Variants in SLC8A1 observed in about 807,000 individuals in gnomAD.
SLC8A1 encodes solute carrier family 8 member A1, also known as sodium/calcium exchanger 1.
SLC8A1 carries 18 observed loss-of-function variants against 68.3 expected under a neutral mutation model. The ratio of observed to expected loss-of-function variants is 0.26; its 90% CI spans 0.18 to 0.39. The LOEUF (loss-of-function observed/expected upper bound fraction) is 0.39. Ranked by LOEUF, SLC8A1 falls within the 10% of genes least tolerant of loss-of-function variation. The pLI is 1.00. For synonymous variants in SLC8A1, 475 were observed against 415.5 expected (o/e 1.14, Z -1.74); for missense variants, 985 against 1,156.7 (o/e 0.85, Z 2.15).
chr2:40,287,611 T>TGTGTGTGTGTGTGTGTGTGTGC (rs1298373568), intron 2 of SLC8A1, among the ~76,000 whole-genome samples: 8 of 148,218 alleles, frequency 5.4e-5, no homozygotes, highest in Non-Finnish European at 1.2e-4. Flanking sequence ...TGTGTGTGTG[T>TGTGTGTGTGTGTGTGTGTGTGC]GTGTGTGTGC....
intron 2 of SLC8A1, among the ~76,000 whole-genome samples, chr2:40,240,310 GC>G (rs1203661138): frequency 1.3e-5 from 2 of 152,146 alleles, no homozygotes; most frequent in African/African-American, 2.4e-5. Flanking sequence ...GCTCTAGAAG[GC>G]CCCTGAGACA....
At chr2:40,122,801 A>G (rs1309209140) in intron 7 of SLC8A1, among the ~76,000 whole-genome samples, 3 of 152,116 alleles carry the variant, frequency 2.0e-5, no homozygotes, top group Non-Finnish European at 4.4e-5. Context: ...TTTTAGAGTA[A>G]CCATTTTTGT....
chr2:40,139,573 G>A (rs1247659028), exon 7 of SLC8A1: 18 of 1,614,128 alleles, frequency 1.1e-5, no homozygotes, highest in Admixed American at 3.3e-5. Flanking sequence ...TAGGGGGGAC[G>A]AAGGCAAACA....
At chr2:40,342,841 C>T (rs186605082) in intron 2 of SLC8A1, among the ~76,000 whole-genome samples, 6 of 152,158 alleles carry the variant, frequency 3.9e-5, no homozygotes, top group African/African-American at 1.2e-4. Context: ...TATGAACAAA[C>T]GTGAACTAAA....
chr2:40,409,262 G>A (rs75483683), intron 2 of SLC8A1, among the ~76,000 whole-genome samples: 20,484 of 152,004 alleles, frequency 0.13, 1,802 homozygotes, highest in Middle Eastern at 0.26. Context: ...TTTGTTACTA[G>A]GGTATATTCT....
intron 7 of SLC8A1, among the ~76,000 whole-genome samples, chr2:40,135,032 G>T (rs1445063703): frequency 1.3e-5 from 2 of 152,172 alleles, no homozygotes; most frequent in African/African-American, 4.8e-5. Flanking sequence ...AGCCAGTCTT[G>T]TGTAAATGAA....
intron 2 of SLC8A1, among the ~76,000 whole-genome samples, chr2:40,290,753 T>C (rs2069162329): frequency 6.6e-6 from 1 of 152,208 alleles, no homozygotes; most frequent in Non-Finnish European, 1.5e-5. Context: ...TAATGAGTAA[T>C]AACAACTTTC....
chr2:40,154,408 A>G (rs1395557789), intron 6 of SLC8A1, among the ~76,000 whole-genome samples: 3 of 136,898 alleles, frequency 2.2e-5, no homozygotes, highest in African/African-American at 8.3e-5. Context: ...GGTTCATGGC[A>G]TTCTCCCGCC....
intron 1 of SLC8A1, chr2:40,446,739 G>A (rs1230290194): frequency 1.3e-5 from 2 of 152,182 alleles, no homozygotes; most frequent in Non-Finnish European, 2.9e-5. Flanking sequence ...TTATTTCACT[G>A]AACCATAGTC....
chr2:40,426,660 A>T (rs182380667), intron 2 of SLC8A1, among the ~76,000 whole-genome samples: 1 of 152,088 alleles, frequency 6.6e-6, no homozygotes, highest in African/African-American at 2.4e-5. Context: ...TTAAATTTTC[A>T]AAAGAAAATA....
chr2:40,480,665 C>T (rs1169855156), intron 1 of SLC8A1, among the ~76,000 whole-genome samples: 1 of 152,168 alleles, frequency 6.6e-6, no homozygotes, highest in African/African-American at 2.4e-5. Context: ...ACCAAAATTT[C>T]TTGTTGGAGT....
At chr2:40,429,539 A>C (rs1253405364) in exon 2 of SLC8A1, 1 of 1,613,882 alleles carries the variant, frequency 6.2e-7, no homozygotes, top group Non-Finnish European at 8.5e-7. Flanking sequence ...ACCCAAGCGA[A>C]CACAACACAG....
At chr2:40,467,511 G>T (rs1703759711) in intron 1 of SLC8A1, among the ~76,000 whole-genome samples, 2 of 151,968 alleles carry the variant, frequency 1.3e-5, no homozygotes, top group African/African-American at 4.8e-5. Context: ...TAAAAACATT[G>T]GCAGCTGCTA....
chr2:40,363,947 C>T (rs751717145), intron 2 of SLC8A1, among the ~76,000 whole-genome samples: 16 of 151,406 alleles, frequency 1.1e-4, no homozygotes, highest in Non-Finnish European at 2.1e-4. Flanking sequence ...CCTCTGACTT[C>T]GGGGAGAAAA....
chr2:40,428,755 A>G, exon 2 of SLC8A1: 1 of 1,613,864 alleles, frequency 6.2e-7, no homozygotes, highest in Non-Finnish European at 8.5e-7. Context: ...GGCTTCCAGT[A>G]TGCCATCTTC....
At chr2:40,182,205 T>G (rs569960273) in intron 2 of SLC8A1, among the ~76,000 whole-genome samples, 7 of 152,306 alleles carry the variant, frequency 4.6e-5, no homozygotes, top group Non-Finnish European at 1.0e-4. Context: ...CTGGAACTGT[T>G]GGGTAGACAC....
At chr2:40,141,765 A>C (rs11680622) in intron 6 of SLC8A1, among the ~76,000 whole-genome samples, 55,158 of 152,102 alleles carry the variant, frequency 0.36, 11,515 homozygotes, top group Middle Eastern at 0.51. Flanking sequence ...AGGGCCTTTA[A>C]AAATGTAATT....
intron 1 of SLC8A1, among the ~76,000 whole-genome samples, chr2:40,448,761 T>C (rs542130960): frequency 1.3e-5 from 2 of 152,160 alleles, no homozygotes; most frequent in South Asian, 2.1e-4. Context: ...GAGGTTATGA[T>C]GAAGGATTTA....
At chr2:40,215,254 C>T (rs55715740) in intron 2 of SLC8A1, among the ~76,000 whole-genome samples, 1 of 152,136 alleles carries the variant, frequency 6.6e-6, no homozygotes, top group Admixed American at 6.5e-5. Flanking sequence ...CAACCTTGAA[C>T]TCCTGGACTC....
Sources: allele counts gnomAD v4.1 joint callset (sites outside exome capture counted in the v4.1 genomes callset), GRCh38; gene constraint gnomAD v4.1.1; transcripts MANE v1.5; gene names NCBI Gene and HGNC (gene_info 2026-07-23, HGNC 2026-07-21).